Variants in GABRB3 observed in about 807,000 individuals in gnomAD.
GABRB3 encodes gamma-aminobutyric acid receptor subunit beta-3.
In GABRB3, 14 loss-of-function variants were observed where a neutral mutation model predicts 52.1. The observed-to-expected ratio is 0.27, with a 90% CI of 0.18 to 0.42. The LOEUF is 0.42. GABRB3 is among the 10% of genes least tolerant of loss of function. The probability of loss-of-function intolerance (pLI) is 1.00; values close to 1 mark genes in which losing one functional copy is unlikely to be tolerated. For synonymous variants in GABRB3, 260 were observed against 232.3 expected (o/e 1.12, Z -1.08); for missense variants, 307 against 609.1 (o/e 0.50, Z 5.22).
At chr15:26,706,740 T>C (rs916725432) in intron 3 of GABRB3, among the ~76,000 whole-genome samples, 1 of 152,180 alleles carries the variant, frequency 6.6e-6, no homozygotes, top group African/African-American at 2.4e-5. Context: ...GAAGGGTGTG[T>C]TTTTTCATTC....
intron 3 of GABRB3, among the ~76,000 whole-genome samples, chr15:26,767,882 T>TA (rs1238340542): frequency 6.6e-6 from 1 of 152,134 alleles, no homozygotes; most frequent in Non-Finnish European, 1.5e-5. Context: ...AAACATAAAA[T>TA]AATAGTGCAA....
In GABRB3 at chr15:26,598,258, C is replaced by A. The variant is rs370609614; in HGVS notation, c.462-14844G>T. ...GAATAAGAATTTTTAAGCAAAAAAA[C>A]AAAAAAGGTAAATTAACCAAGAGCA... On this transcript the variant is annotated intron_variant, in intron 4 of 8. Coordinates refer to ENST00000311550, the MANE Select transcript of GABRB3 (RefSeq NM_000814.6). Among the ~76,000 whole-genome samples, 285 of 151,008 alleles carry A rather than the reference C, an allele frequency of 1.9e-3. 5 individuals carry two copies. In the East Asian group the frequency reaches 0.036, roughly 19 times the overall value.
At chr15:26,730,084 A>G (rs1210703792) in intron 3 of GABRB3, among the ~76,000 whole-genome samples, 1 of 152,200 alleles carries the variant, frequency 6.6e-6, no homozygotes, top group Non-Finnish European at 1.5e-5. Flanking sequence ...AATATACACA[A>G]AAGAAATTTA....
chr15:26,682,269 G>A (rs1432546048), intron 3 of GABRB3, among the ~76,000 whole-genome samples: 7 of 152,210 alleles, frequency 4.6e-5, no homozygotes, highest in Admixed American at 4.6e-4. Flanking sequence ...TGGGATGAGC[G>A]CTTCAATACC....
Position 26,768,575 on chromosome 15 carries a change from A to G in GABRB3, c.240+3827T>C, listed in dbSNP as rs73372177. Among the ~76,000 whole-genome samples, 244 of 152,284 alleles carry G rather than the reference A, an allele frequency of 1.6e-3. 1 individual carries two copies. Among genetic ancestry groups the G allele is most frequent in the African/African-American group, 5.4e-3 (224 of 41,582 alleles). On this transcript the variant is annotated intron_variant, in intron 3 of 8. Transcript: ENST00000311550. ...CTACTCAACACATTTATTGTTCCCT[A>G]GAACCACTGGTAAGCACCAAAATTA...
chr15:26,556,449 T>A (rs1005154703), intron 8 of GABRB3, among the ~76,000 whole-genome samples: 12 of 152,198 alleles, frequency 7.9e-5, no homozygotes, highest in Admixed American at 4.6e-4. Context: ...GCAGCTCTGA[T>A]TCCTTGCCAA....
At chr15:26,680,177 C>T (rs938101593) in intron 3 of GABRB3, among the ~76,000 whole-genome samples, 7 of 152,222 alleles carry the variant, frequency 4.6e-5, no homozygotes, top group Non-Finnish European at 7.3e-5. Context: ...GGAAGACTGC[C>T]TGTAGACTAA....
At chr15:26,570,504 C>T (rs7174566) in intron 6 of GABRB3, among the ~76,000 whole-genome samples, 58,336 of 152,120 alleles carry the variant, frequency 0.38, 12,233 homozygotes, top group Non-Finnish European at 0.48. Flanking sequence ...AAATCTTCTA[C>T]GGCTCATTGC....
chr15:26,693,601 A>T (rs1163208791), intron 3 of GABRB3, among the ~76,000 whole-genome samples: 2 of 152,152 alleles, frequency 1.3e-5, no homozygotes, highest in African/African-American at 4.8e-5. Flanking sequence ...TGTTCTCACA[A>T]CAAGAAAAAA....
intron 6 of GABRB3, among the ~76,000 whole-genome samples, chr15:26,568,550 G>T (rs1429673419): frequency 6.7e-6 from 1 of 150,134 alleles, no homozygotes. Context: ...CAGGCTGGAG[G>T]GCAGTGGCAC....
At chr15:26,683,985 T>C (rs1023957950) in intron 3 of GABRB3, among the ~76,000 whole-genome samples, 5 of 151,992 alleles carry the variant, frequency 3.3e-5, no homozygotes, top group Non-Finnish European at 2.9e-5. Flanking sequence ...AGGAATATAA[T>C]AGGTTCCCTT....
chr15:26,689,206 C>T (rs1382494539), intron 3 of GABRB3, among the ~76,000 whole-genome samples: 3 of 152,204 alleles, frequency 2.0e-5, no homozygotes, highest in African/African-American at 7.2e-5. Context: ...CGACCTCCAT[C>T]GCAGACTTGC....
chr15:26,626,058 G>T (rs1234306981), intron 3 of GABRB3, among the ~76,000 whole-genome samples: 42 of 152,282 alleles, frequency 2.8e-4, no homozygotes, highest in African/African-American at 7.9e-4. Flanking sequence ...TTTTCCAACA[G>T]CATATGCTCA....
chr15:26,587,201 C>A (rs919224404), intron 4 of GABRB3, among the ~76,000 whole-genome samples: 7 of 152,156 alleles, frequency 4.6e-5, no homozygotes, highest in Non-Finnish European at 1.0e-4. Context: ...TAAATCTATA[C>A]AATTATACAC....
intron 3 of GABRB3, among the ~76,000 whole-genome samples, chr15:26,702,945 A>G (rs28835419): frequency 0.023 from 3,496 of 152,258 alleles, 135 homozygotes; most frequent in African/African-American, 0.08. Context: ...TCAAGTCTCC[A>G]GCAAATTTGG....
At chr15:26,668,605 CTA>C (rs1887791181) in intron 3 of GABRB3, among the ~76,000 whole-genome samples, 1 of 152,138 alleles carries the variant, frequency 6.6e-6, no homozygotes, top group Non-Finnish European at 1.5e-5. Flanking sequence ...TCCCTCTTTT[CTA>C]TCTTTTCTTG....
At chr15:26,675,243 T>C (rs1595523772) in intron 3 of GABRB3, among the ~76,000 whole-genome samples, 1 of 152,236 alleles carries the variant, frequency 6.6e-6, no homozygotes, top group African/African-American at 2.4e-5. Flanking sequence ...TTGCAGCTTA[T>C]AAAACCAAAG....
intron 3 of GABRB3, among the ~76,000 whole-genome samples, chr15:26,650,848 A>G (rs753775725): frequency 1.3e-5 from 2 of 152,090 alleles, no homozygotes; most frequent in Admixed American, 1.3e-4. Flanking sequence ...GACTTTGAGG[A>G]GACGGACTTC....
chr15:26,709,515 C>CTTTTTTTTTTTTTTTTTTTTTT (rs57044167), intron 3 of GABRB3, among the ~76,000 whole-genome samples: 8 of 92,004 alleles, frequency 8.7e-5, no homozygotes, highest in Admixed American at 1.5e-4. Flanking sequence ...TTTTTTCTTT[C>CTTTTTTTTTTTTTTTTTTTTTT]TTTTTTTTTT....
Sources: gnomAD v4.1 joint callset for allele counts (sites outside exome capture counted in the v4.1 genomes callset) on GRCh38, gnomAD v4.1.1 for gene constraint, MANE v1.5 for transcripts, NCBI Gene and HGNC (gene_info 2026-07-23, HGNC 2026-07-21) for gene names.